PCDHGA1: variants seen among roughly 807,000 people sequenced by gnomAD.
The protein encoded by PCDHGA1 is protocadherin gamma-A1.
A neutral mutation model predicts 58.0 loss-of-function variants in PCDHGA1; 32 were observed. The observed-to-expected ratio is 0.55, with a 90% CI of 0.42 to 0.74. The LOEUF (loss-of-function observed/expected upper bound fraction) is 0.74. PCDHGA1 is among the 30% of genes least tolerant of loss of function. The pLI is 0.00. For missense variants in PCDHGA1, 1,205 were observed against 1,182.3 expected (o/e 1.02, Z -0.28); for synonymous variants, 498 against 501.1 (o/e 0.99, Z 0.08).
At chr5:141,499,331 TCA>T (rs2099791249) in intron 2 of PCDHGA1, among the ~76,000 whole-genome samples, 1 of 152,220 alleles carries the variant, frequency 6.6e-6, no homozygotes, top group African/African-American at 2.4e-5. Context: ...CTGCTCTCTC[TCA>T]GTTTGGGCAG....
At chr5:141,470,734 G>A (rs970003510) in intron 1 of PCDHGA1, among the ~76,000 whole-genome samples, 1 of 152,128 alleles carries the variant, frequency 6.6e-6, no homozygotes, top group Non-Finnish European at 1.5e-5. Context: ...GTCTTGCTCT[G>A]TCGCCCTGGC....
chr5:141,372,325 T>A (rs1459758319), intron 1 of PCDHGA1: 1 of 1,613,556 alleles, frequency 6.2e-7, no homozygotes. Flanking sequence ...CGCCTGCTGG[T>A]CACTGTGCGT....
At position 141,405,002 on chromosome 5, in the gene PCDHGA1, C is replaced by T. The variant is rs2154535993; in HGVS notation, c.2421+71897C>T. ...GGGCAGTCTTCAGATCCCTGCAGAC[C>T]TGGAGGCCTCAGACCTTACCCTCTA... is the stretch of plus-strand genomic sequence containing the variant. On this transcript the variant is annotated intron_variant, in intron 1 of 3. Transcript: ENST00000517417. The T allele has an allele frequency of 1.9e-6, 3 of 1,613,870 alleles. No homozygotes were observed. In the East Asian group the frequency reaches 6.7e-5, roughly 36 times the overall value.
At chr5:141,410,142 G>C in intron 1 of PCDHGA1, 1 of 1,612,730 alleles carries the variant, frequency 6.2e-7, no homozygotes, top group African/African-American at 1.3e-5. Context: ...GTCGCTGTGC[G>C]TGACGGTGGA....
chr5:141,490,948 G>T lies in PCDHGA1; in HGVS notation c.2422-3859G>T. 1 of 1,613,756 alleles carries T rather than the reference G, an allele frequency of 6.2e-7. No homozygotes were observed. The highest frequency in any genetic ancestry group is 8.5e-7 in the Non-Finnish European group (1 of 1,179,810). On this transcript the variant is annotated intron_variant, in intron 1 of 3. Coordinates refer to ENST00000517417, the MANE Select transcript of PCDHGA1 (RefSeq NM_018912.3). The surrounding 1 kb of genome is among the most constrained non-coding windows in gnomAD (Gnocchi z 5.4). The stretch of plus-strand genomic sequence containing the variant: ...CCCAGCTGTGCTGCACCCACGGCCA[G>T]ACTGGGAACACTCAGCCCCCCAGCG...
chr5:141,373,769 T>A (rs1466229132), intron 1 of PCDHGA1: 3 of 255,350 alleles, frequency 1.2e-5, no homozygotes, highest in Non-Finnish European at 2.2e-5. Flanking sequence ...ATGAGTGTCA[T>A]CTCTGCAGAT....
intron 1 of PCDHGA1, chr5:141,428,078 C>A (rs747287202): frequency 1.2e-6 from 2 of 1,609,216 alleles, no homozygotes; most frequent in Admixed American, 3.3e-5. Flanking sequence ...ATTCGGGACA[C>A]AACGCTTGGC....
At chr5:141,501,290 TACACACACACACACACAC>T (rs55762287) in intron 2 of PCDHGA1, among the ~76,000 whole-genome samples, 6 of 136,162 alleles carry the variant, frequency 4.4e-5, no homozygotes, top group South Asian at 2.4e-4. Flanking sequence ...TATTCCCTTA[TACACACACACACACACAC>T]ACACACACAC....
chr5:141,381,991 G>A (rs1019937357), intron 1 of PCDHGA1, among the ~76,000 whole-genome samples: 3 of 151,726 alleles, frequency 2.0e-5, no homozygotes, highest in East Asian at 3.9e-4. Context: ...CACCACGCCC[G>A]GATAATTTTG....
At chr5:141,422,963 C>T (rs372620011) in intron 1 of PCDHGA1, 43 of 1,614,120 alleles carry the variant, frequency 2.7e-5, no homozygotes, top group Middle Eastern at 1.6e-4. Context: ...GTGGAGCTGG[C>T]GCCCCGCTCT....
chr5:141,505,679 G>A (rs1350871637), intron 3 of PCDHGA1, among the ~76,000 whole-genome samples, 198 bp downstream of exon 3: 24 of 152,172 alleles, frequency 1.6e-4, no homozygotes, highest in Non-Finnish European at 3.5e-4. Flanking sequence ...TGGGGGTCCT[G>A]GGATGCCTGG....
Position 141,486,255 on chromosome 5 carries a change from A to G in PCDHGA1, c.2422-8552A>G. 1 of 1,614,028 alleles carries G rather than the reference A, an allele frequency of 6.2e-7. No homozygotes were observed. Reference sequence around the variant, plus strand: ...ACCTCAGAGCTTGGAACCCTCCCCGAGAGTGCAGAACCTGGCACTGTGGTG... The same window carrying G: ...ACCTCAGAGCTTGGAACCCTCCCCGGGAGTGCAGAACCTGGCACTGTGGTG... On this transcript the variant is annotated intron_variant, in intron 1 of 3. Coordinates refer to ENST00000517417, the MANE Select transcript of PCDHGA1 (RefSeq NM_018912.3). This position sits in a 1 kb window ranked among gnomAD's most constrained non-coding sequence, Gnocchi z 5.0.
chr5:141,410,186 C>G, intron 1 of PCDHGA1: 1 of 1,613,940 alleles, frequency 6.2e-7, no homozygotes, highest in Non-Finnish European at 8.5e-7. Flanking sequence ...CACGCTTCAT[C>G]TGGTCTTCGC....
At chr5:141,427,566 C>A (rs1218268757) in intron 1 of PCDHGA1, 1 of 659,032 alleles carries the variant, frequency 1.5e-6, no homozygotes, top group Non-Finnish European at 2.8e-6. Context: ...CAAGGGCAAG[C>A]CTCCGCTCTC....
intron 2 of PCDHGA1, among the ~76,000 whole-genome samples, chr5:141,498,555 C>T (rs2099784323): frequency 6.6e-6 from 1 of 152,032 alleles, no homozygotes; most frequent in South Asian, 2.1e-4. Flanking sequence ...GACACACCAG[C>T]TTCAAAGCAG....
intron 1 of PCDHGA1, among the ~76,000 whole-genome samples, chr5:141,474,405 GT>G (rs2099348889): frequency 6.6e-6 from 1 of 152,196 alleles, no homozygotes; most frequent in African/African-American, 2.4e-5. Flanking sequence ...AAGCTCCCCG[GT>G]GATGCCTAGA....
chr5:141,431,405 G>A lies in PCDHGA1; in HGVS notation c.2422-63402G>A, dbSNP rs2097369508. Reference sequence around the variant, plus strand: ...TCACCACCTGGTCCTTACGGCCTCCGACGGGGGCGACCCGGTGCGCACAGG... The same window carrying A: ...TCACCACCTGGTCCTTACGGCCTCCAACGGGGGCGACCCGGTGCGCACAGG... On this transcript the variant is annotated intron_variant, in intron 1 of 3. Transcript: ENST00000517417. The surrounding 1 kb of genome is among the most constrained non-coding windows in gnomAD (Gnocchi z 4.8). 1 of 1,613,614 alleles carries A rather than the reference G, an allele frequency of 6.2e-7. No individual in the cohort carries two copies.
At chr5:141,339,525 G>A in intron 1 of PCDHGA1, 3 of 1,614,152 alleles carry the variant, frequency 1.9e-6, no homozygotes, top group Non-Finnish European at 2.5e-6. Flanking sequence ...GTGCGAAGGG[G>A]AGCTGATGGG....
chr5:141,347,786 CAA>C (rs1186221035), intron 1 of PCDHGA1, among the ~76,000 whole-genome samples: 22 of 106,198 alleles, frequency 2.1e-4, no homozygotes, highest in Non-Finnish European at 2.0e-4. Flanking sequence ...GACTCCATCT[CAA>C]AAAAAAAAAA....
Sources: allele counts gnomAD v4.1 joint callset (sites outside exome capture counted in the v4.1 genomes callset), GRCh38; gene constraint gnomAD v4.1.1; non-coding constraint Gnocchi (gnomAD v3.1); transcripts MANE v1.5; gene names NCBI Gene and HGNC (gene_info 2026-07-23, HGNC 2026-07-21).